The following EPB41 variants were observed in gnomAD, a reference collection of about 807,000 sequenced individuals.
The protein encoded by EPB41 is protein 4.1.
Under a neutral mutation model 108.0 loss-of-function variants are expected in EPB41, and 65 were observed. That is an observed-to-expected ratio of 0.60 (90% CI 0.49 to 0.74). EPB41 has a LOEUF of 0.74. Ranked by LOEUF, EPB41 falls within the 30% of genes least tolerant of loss-of-function variation. The pLI is 0.00. For missense variants in EPB41, 875 were observed against 1,037.0 expected, an observed-to-expected ratio of 0.84 and a Z score of 2.15; for synonymous variants, 336 against 358.9, an observed-to-expected ratio of 0.94 and a Z score of 0.72.
intron 1 of EPB41, among the ~76,000 whole-genome samples, chr1:28,956,368 C>A (rs751214755): frequency 1.3e-5 from 2 of 152,214 alleles, no homozygotes; most frequent in African/African-American, 4.8e-5. Context: ...TGCTGTTTTA[C>A]ACCTCCAGCA....
At chr1:29,106,845 A>G (rs1667369569) in intron 17 of EPB41, among the ~76,000 whole-genome samples, 1 of 149,946 alleles carries the variant, frequency 6.7e-6, no homozygotes, top group Non-Finnish European at 1.5e-5. Context: ...TGCTGGGACT[A>G]CAGGTGTGAG....
chr1:28,972,274 A>G (rs569570192), intron 1 of EPB41, among the ~76,000 whole-genome samples: 1 of 152,270 alleles, frequency 6.6e-6, no homozygotes, highest in East Asian at 1.9e-4. Context: ...GGTGGAGATG[A>G]ATTTTTTTTG....
At chr1:28,910,114 G>C (rs751956250), upstream of EPB41, among the ~76,000 whole-genome samples, 18 of 151,552 alleles carry the variant, frequency 1.2e-4, no homozygotes, top group Non-Finnish European at 2.5e-4. Flanking sequence ...GTACGTATAA[G>C]AAAAGGTACT....
At chr1:29,096,092 C>T in intron 16 of EPB41, 1 of 931,360 alleles carries the variant, frequency 1.1e-6, no homozygotes, top group Non-Finnish European at 1.3e-6. Context: ...TGTTGATTCT[C>T]AGAGTTCATT....
Position 29,053,480 on chromosome 1 carries a change from G to A in EPB41, c.1845+168G>A, listed in dbSNP as rs2788888. 0.26 allele frequency: 207,351 copies of A among 788,960 alleles called. 32,212 individuals carry two copies. The highest frequency in any genetic ancestry group is 0.58 in the African/African-American group (33,465 of 57,998). The allele number at this position is 788,960 out of a possible 1,614,324, so 48.9% of individuals were successfully genotyped here. On this transcript the variant is annotated intron_variant, in intron 12 of 20. Transcript: ENST00000343067. ...TCCCATGAACCTATAAAATATTTTCGTAGAGTTATGTCAGTAAGACTGTAA... is the reference window on the plus strand; with the variant it reads ...TCCCATGAACCTATAAAATATTTTCATAGAGTTATGTCAGTAAGACTGTAA...
At chr1:29,019,270 G>A (rs1416990128) in intron 7 of EPB41, among the ~76,000 whole-genome samples, 1 of 152,062 alleles carries the variant, frequency 6.6e-6, no homozygotes, top group Non-Finnish European at 1.5e-5. Flanking sequence ...TTAAAAATTA[G>A]CCAGGCATGA....
intron 1 of EPB41, among the ~76,000 whole-genome samples, chr1:28,890,594 C>G (rs2090012192): frequency 6.6e-6 from 1 of 152,218 alleles, no homozygotes; most frequent in South Asian, 2.1e-4. Context: ...CCCACAAGTC[C>G]TGTTCTTGGC....
At chr1:29,086,801 C>T (rs1659122395) in intron 16 of EPB41, among the ~76,000 whole-genome samples, 1 of 152,016 alleles carries the variant, frequency 6.6e-6, no homozygotes, top group Non-Finnish European at 1.5e-5. Context: ...GAACAAGTGA[C>T]TAAATGTGTG....
chr1:29,117,860 T>C lies in EPB41; in HGVS notation c.*1048T>C, dbSNP rs1419467935. On this transcript the variant is annotated 3_prime_UTR_variant, in exon 21 of 21. Transcript: ENST00000343067. The stretch of plus-strand genomic sequence containing the variant: ...TTTTTCTTTTTTGACCTTTCTTCTC[T>C]CAACAGGAACCTGCCTGAGGACACC... 6.6e-6 allele frequency: 1 copy of C among 152,608 alleles called. No homozygotes were observed. Among genetic ancestry groups the C allele is most frequent in the African/African-American group, 2.4e-5 (1 of 41,426 alleles). 9.5% of individuals were successfully genotyped at this position (152,608 alleles called of 1,614,324 possible).
chr1:28,995,614 G>GAAT (rs2096152106), intron 3 of EPB41, among the ~76,000 whole-genome samples: 3 of 152,140 alleles, frequency 2.0e-5, no homozygotes, highest in South Asian at 4.1e-4. Context: ...TTTAGCAAGG[G>GAAT]AATAAGTACA....
At chr1:28,980,384 T>A (rs905492782) in intron 1 of EPB41, among the ~76,000 whole-genome samples, 2 of 151,478 alleles carry the variant, frequency 1.3e-5, no homozygotes, top group African/African-American at 2.4e-5. Flanking sequence ...AAAAAGCACA[T>A]TATGATGTCA....
upstream of EPB41, among the ~76,000 whole-genome samples, chr1:28,911,762 G>GC (rs2092268099): frequency 2.0e-5 from 3 of 152,158 alleles, no homozygotes; most frequent in South Asian, 4.1e-4. Context: ...AACAGGTGTG[G>GC]CCAGGCATGG....
chr1:29,113,288 G>A (rs1669821879), intron 19 of EPB41, among the ~76,000 whole-genome samples: 2 of 152,204 alleles, frequency 1.3e-5, no homozygotes, highest in South Asian at 2.1e-4. Context: ...TTCTGGAATC[G>A]TTGACTGGGT....
At chr1:28,926,426 C>A (rs182264126) in intron 1 of EPB41, among the ~76,000 whole-genome samples, 8 of 152,252 alleles carry the variant, frequency 5.3e-5, no homozygotes, top group Non-Finnish European at 1.2e-4. Context: ...ATTAACCAGG[C>A]CAAAAGTTAA....
intron 1 of EPB41, among the ~76,000 whole-genome samples, chr1:28,953,545 G>T (rs2094826226): frequency 6.6e-6 from 1 of 152,176 alleles, no homozygotes; most frequent in Admixed American, 6.5e-5. Context: ...TTATGCCACT[G>T]CACTCCAGTC....
chr1:28,927,201 A>G (rs1442539430), intron 1 of EPB41, among the ~76,000 whole-genome samples: 12 of 152,214 alleles, frequency 7.9e-5, no homozygotes, highest in Non-Finnish European at 1.2e-4. Context: ...GATATACCTT[A>G]TTGTCTTAAA....
At chr1:28,903,322 C>CTTTTTTTTTTTTTT (rs1469847584) in intron 1 of EPB41, among the ~76,000 whole-genome samples, 1 of 144,412 alleles carries the variant, frequency 6.9e-6, no homozygotes, top group African/African-American at 2.7e-5. Flanking sequence ...TTTTTCTTTT[C>CTTTTTTTTTTTTTT]TTTCTTTTTT....
Position 29,035,380 on chromosome 1 carries a change from A to G in EPB41, c.1366-446A>G, listed in dbSNP as rs35035047. Among the ~76,000 whole-genome samples the G allele has an allele frequency of 2.5e-3, 388 of 152,292 alleles. 3 individuals are homozygous for G. The highest frequency in any genetic ancestry group is 4.6e-3 in the Non-Finnish European group (310 of 68,024). ...TGATTTAAAAATCTGGCTTGAACTA[A>G]AATCTTTAGCTCCTATTACTAATTT... On this transcript the variant is annotated intron_variant, in intron 9 of 20. Transcript: ENST00000343067.
intron 1 of EPB41, among the ~76,000 whole-genome samples, chr1:28,929,451 C>T (rs1254335657): frequency 1.3e-5 from 2 of 151,682 alleles, no homozygotes; most frequent in African/African-American, 2.4e-5. Flanking sequence ...AGGATGGTCT[C>T]GATCTCCTGA....
Sources: gnomAD v4.1 joint callset for allele counts (sites outside exome capture counted in the v4.1 genomes callset) on GRCh38, gnomAD v4.1.1 for gene constraint, MANE v1.5 for transcripts, NCBI Gene and HGNC (gene_info 2026-07-23, HGNC 2026-07-21) for gene names.